CDON: variants seen among roughly 807,000 people sequenced by gnomAD.
CDON encodes the protein cell adhesion molecule-related/down-regulated by oncogenes.
A neutral mutation model predicts 120.9 loss-of-function variants in CDON; 73 were observed. That is an observed-to-expected ratio of 0.60 (90% CI 0.50 to 0.73). The LOEUF is 0.73. CDON is among the 30% of genes least tolerant of loss of function. The pLI is 0.00. For missense variants in CDON, 1,470 were observed against 1,587.3 expected (o/e 0.93, Z 1.26); for synonymous variants, 566 against 573.5 (o/e 0.99, Z 0.19).
chr11:125,995,258 T>C (rs1366583728), intron 12 of CDON, among the ~76,000 whole-genome samples: 1 of 152,178 alleles, frequency 6.6e-6, no homozygotes, highest in Non-Finnish European at 1.5e-5. Context: ...GCTCCGTGCA[T>C]GGTGTTCAAG....
At chr11:126,035,030 C>T (rs1472679412) in intron 1 of CDON, among the ~76,000 whole-genome samples, 3 of 152,168 alleles carry the variant, frequency 2.0e-5, no homozygotes, top group African/African-American at 7.2e-5. Flanking sequence ...ATATAATTAA[C>T]GTAGTTGTTA....
At chr11:125,969,274 A>C (rs1345861600) in intron 18 of CDON, among the ~76,000 whole-genome samples, 1 of 152,238 alleles carries the variant, frequency 6.6e-6, no homozygotes, top group Non-Finnish European at 1.5e-5. Flanking sequence ...CTGGGATTAC[A>C]GGCGTGAGCC....
chr11:125,978,567 G>C (rs1356889263), intron 17 of CDON, among the ~76,000 whole-genome samples, 184 bp from the exon 18 acceptor site: 4 of 152,182 alleles, frequency 2.6e-5, no homozygotes, highest in Non-Finnish European at 5.9e-5. Flanking sequence ...ATTCACAAAG[G>C]AGTGAATGAG....
intron 18 of CDON, among the ~76,000 whole-genome samples, chr11:125,970,705 G>A (rs1293316911): frequency 1.3e-5 from 2 of 152,160 alleles, no homozygotes; most frequent in Non-Finnish European, 2.9e-5. Context: ...ATCAGCAGCT[G>A]TCACATAAAA....
At chr11:126,062,377 G>A (rs1379335407) in intron 1 of CDON, among the ~76,000 whole-genome samples, 1 of 152,084 alleles carries the variant, frequency 6.6e-6, no homozygotes, top group African/African-American at 2.4e-5. Flanking sequence ...CCGAGCCCCC[G>A]AGGACGCGGA....
At chr11:126,003,009 T>C (rs1294042535) in intron 10 of CDON, among the ~76,000 whole-genome samples, 1 of 152,178 alleles carries the variant, frequency 6.6e-6, no homozygotes, top group Non-Finnish European at 1.5e-5. Context: ...CCCTCCTTCA[T>C]GTCTCTGCTC....
chr11:126,052,898 T>C (rs1272710053), intron 1 of CDON, among the ~76,000 whole-genome samples: 1 of 152,066 alleles, frequency 6.6e-6, no homozygotes, highest in African/African-American at 2.4e-5. Flanking sequence ...TTGTGTTAGG[T>C]ATTATAAGTA....
chr11:126,018,610 C>A, intron 4 of CDON, 137 bp from the exon 5 acceptor site: 2 of 781,580 alleles, frequency 2.6e-6, no homozygotes, highest in Non-Finnish European at 4.3e-6. Flanking sequence ...ATTCTGTCAC[C>A]CAGGCTGTAG....
intron 10 of CDON, among the ~76,000 whole-genome samples, chr11:126,002,909 A>G (rs999699308): frequency 2.6e-5 from 4 of 152,114 alleles, no homozygotes; most frequent in African/African-American, 9.7e-5. Flanking sequence ...GTTCCTAGTG[A>G]ACACCATGTA....
chr11:126,059,245 G>A (rs552119243), intron 1 of CDON, among the ~76,000 whole-genome samples: 9 of 152,342 alleles, frequency 5.9e-5, no homozygotes, highest in African/African-American at 1.4e-4. Context: ...AGTCTGCAAC[G>A]TGTATATGCT....
chr11:126,054,917 C>A (rs1948648527), intron 1 of CDON, among the ~76,000 whole-genome samples: 1 of 152,080 alleles, frequency 6.6e-6, no homozygotes, highest in South Asian at 2.1e-4. Context: ...GCGTTTCCAG[C>A]CTGCGAGAAA....
chr11:125,983,724 T>C, intron 16 of CDON, 148 bp downstream of exon 16: 1 of 711,566 alleles, frequency 1.4e-6, no homozygotes, highest in Non-Finnish European at 2.5e-6. Flanking sequence ...AGAACAGTTT[T>C]AAAGTCATCT....
chr11:126,054,741 C>A (rs1055140353), intron 1 of CDON, among the ~76,000 whole-genome samples: 10 of 152,130 alleles, frequency 6.6e-5, no homozygotes, highest in African/African-American at 2.4e-4. Flanking sequence ...TTCAAATGCA[C>A]GTTAATGCCA....
At chr11:125,982,821 A>G (rs1404798138) in intron 16 of CDON, among the ~76,000 whole-genome samples, 6 of 152,134 alleles carry the variant, frequency 3.9e-5, no homozygotes, top group South Asian at 2.1e-4. Flanking sequence ...TGGCATTAAA[A>G]CCATTTAGAA....
chr11:126,021,146 T>G (rs563764472), intron 3 of CDON, 102 bp downstream of exon 3: 1 of 1,260,138 alleles, frequency 7.9e-7, no homozygotes, highest in South Asian at 1.3e-5. Flanking sequence ...AACTCCTATA[T>G]GCTTTACACC....
At chr11:126,031,454 C>G (rs1397807159) in intron 1 of CDON, among the ~76,000 whole-genome samples, 2 of 152,206 alleles carry the variant, frequency 1.3e-5, no homozygotes, top group Non-Finnish European at 2.9e-5. Flanking sequence ...TCAGGCAAAG[C>G]TGCACACACC....
At chr11:126,023,582 C>T (rs1947700121) in intron 1 of CDON, 45 bp from the exon 2 acceptor site, 2 of 865,680 alleles carry the variant, frequency 2.3e-6, no homozygotes. Flanking sequence ...TGAAATCTTT[C>T]GTCTGAGCAG....
chr11:126,035,227 G>A (rs988059493), intron 1 of CDON, among the ~76,000 whole-genome samples: 1 of 152,158 alleles, frequency 6.6e-6, no homozygotes, highest in Non-Finnish European at 1.5e-5. Flanking sequence ...AATATACACA[G>A]TCAAGCATTG....
chr11:126,017,733 A>C (rs1202235896), intron 5 of CDON, among the ~76,000 whole-genome samples: 1 of 150,884 alleles, frequency 6.6e-6, no homozygotes, highest in African/African-American at 2.4e-5. Context: ...AAATTCACAG[A>C]CATCAATTTA....
Sources: gnomAD v4.1 joint callset for allele counts (sites outside exome capture counted in the v4.1 genomes callset) on GRCh38, gnomAD v4.1.1 for gene constraint, MANE v1.5 for transcripts, NCBI Gene and HGNC (gene_info 2026-07-23, HGNC 2026-07-21) for gene names.